The following DAPK2 variants were observed in gnomAD, a reference collection of about 807,000 sequenced individuals.
DAPK2 encodes the protein death associated protein kinase 2.
A neutral mutation model predicts 44.1 loss-of-function variants in DAPK2; 35 were observed. The ratio of observed to expected loss-of-function variants is 0.79; its 90% confidence interval spans 0.61 to 1.05. The LOEUF (loss-of-function observed/expected upper bound fraction) is 1.05. Ranked by LOEUF, DAPK2 falls within the 50% of genes least tolerant of loss-of-function variation. DAPK2 has a pLI of 0.00. For synonymous variants in DAPK2, 174 were observed against 182.6 expected (o/e 0.95, Z 0.38); for missense variants, 453 against 483.2 (o/e 0.94, Z 0.59).
rs1234183509 is a variant in DAPK2 at position 63,954,576 on chromosome 15, GATA to G, written c.454-15218_454-15216del. Among the ~76,000 whole-genome samples, 4 of 152,184 alleles carry G rather than the reference GATA, an allele frequency of 2.6e-5. No homozygotes were observed. In the East Asian group the frequency reaches 7.7e-4, roughly 29 times the overall value. On this transcript the variant is annotated intron_variant, in intron 3 of 10. Transcript: ENST00000261891. ...AGCTTTGTCATATAATTTGAAGTCA[GATA>G]ATGTGATTCCTCCACTTTTGTTCTT...
chr15:64,001,086 G>T (rs2079073300), intron 1 of DAPK2, among the ~76,000 whole-genome samples: 1 of 151,848 alleles, frequency 6.6e-6, no homozygotes, highest in African/African-American at 2.4e-5. Context: ...CACCATGTTG[G>T]CCAGGCTGGT....
At chr15:64,041,245 G>C (rs1481017373), upstream of DAPK2, among the ~76,000 whole-genome samples, 1 of 152,168 alleles carries the variant, frequency 6.6e-6, no homozygotes, top group African/African-American at 2.4e-5. Context: ...GGAGCCTGAG[G>C]TGCTAGTTCC....
chr15:63,956,797 C>T (rs1265519014), intron 3 of DAPK2, among the ~76,000 whole-genome samples: 2 of 152,126 alleles, frequency 1.3e-5, no homozygotes, highest in Non-Finnish European at 1.5e-5. Flanking sequence ...CCATGTTAGC[C>T]AGAACGGTCT....
At chr15:63,992,831 G>T (rs1489188080) in intron 1 of DAPK2, among the ~76,000 whole-genome samples, 2 of 152,154 alleles carry the variant, frequency 1.3e-5, no homozygotes, top group African/African-American at 4.8e-5. Context: ...TTTAACAAAA[G>T]AACTTCAACA....
intron 3 of DAPK2, among the ~76,000 whole-genome samples, chr15:63,958,493 C>G (rs1276890301): frequency 6.6e-6 from 1 of 152,178 alleles, no homozygotes; most frequent in African/African-American, 2.4e-5. Flanking sequence ...TTAGGTCTAA[C>G]ATTTAAGTCT....
chr15:64,044,789 C>A (rs1319536034), upstream of DAPK2, among the ~76,000 whole-genome samples: 2 of 152,192 alleles, frequency 1.3e-5, no homozygotes, highest in Non-Finnish European at 2.9e-5. Context: ...TTCCTCATCC[C>A]ACCTCACCAA....
At chr15:63,922,226 G>GTAGAT in intron 8 of DAPK2, 3 of 950,452 alleles carry the variant, frequency 3.2e-6, no homozygotes, top group South Asian at 4.8e-5. Context: ...AGACATGAGT[G>GTAGAT]CTTGGTAAGT....
intron 3 of DAPK2, among the ~76,000 whole-genome samples, chr15:63,955,431 T>C (rs962827580): frequency 3.9e-5 from 6 of 152,234 alleles, no homozygotes; most frequent in African/African-American, 1.4e-4. Context: ...ATCAAGGATA[T>C]GGTCCATAGT....
At chr15:64,007,634 C>T (rs886408829) in intron 1 of DAPK2, among the ~76,000 whole-genome samples, 1 of 152,220 alleles carries the variant, frequency 6.6e-6, no homozygotes, top group African/African-American at 2.4e-5. Flanking sequence ...TTACCTGATG[C>T]CTGCAGTTTG....
At chr15:63,911,492 G>A (rs889038457) in intron 10 of DAPK2, 2 of 214,272 alleles carry the variant, frequency 9.3e-6, no homozygotes, top group Admixed American at 1.0e-4. Flanking sequence ...ATAAGATATT[G>A]TCTAAATATT....
In DAPK2 at chr15:64,036,298, T is replaced by C. The variant is rs1292804075; in HGVS notation, c.92+3872A>G. ...ATGTGTGTGTGTGTGTGTGTGTGTG[T>C]GTGTGTGTGTGTATATATATGTATA... On this transcript the variant is annotated intron_variant, in intron 1 of 10. Transcript: ENST00000261891. Among the ~76,000 whole-genome samples the C allele has an allele frequency of 2.0e-3, 184 of 92,204 alleles. 3 individuals carry two copies. The highest frequency in any genetic ancestry group is 5.3e-3 in the African/African-American group (164 of 31,140). The allele number at this position is 92,204 out of a possible 152,430, so 60.5% of individuals were successfully genotyped here.
intron 1 of DAPK2, among the ~76,000 whole-genome samples, chr15:63,986,820 T>A (rs1361926784): frequency 6.6e-6 from 1 of 151,706 alleles, no homozygotes; most frequent in African/African-American, 2.4e-5. Flanking sequence ...ATGGGGCTAT[T>A]TAAAAGCCCG....
intron 1 of DAPK2, among the ~76,000 whole-genome samples, chr15:63,989,945 G>A (rs1215430306): frequency 6.6e-6 from 1 of 152,130 alleles, no homozygotes; most frequent in African/African-American, 2.4e-5. Context: ...GCCCGCCTAG[G>A]CCTCCCAAAG....
intron 1 of DAPK2, among the ~76,000 whole-genome samples, chr15:64,012,895 AT>A (rs1186216837): frequency 6.6e-6 from 1 of 152,226 alleles, no homozygotes; most frequent in African/African-American, 2.4e-5. Context: ...TAAGCATTCT[AT>A]CTGGGGCACT....
intron 1 of DAPK2, chr15:64,030,014 A>C (rs1357002327): frequency 6.6e-6 from 1 of 152,398 alleles, no homozygotes; most frequent in Non-Finnish European, 1.5e-5. Context: ...GTATGGCTGC[A>C]CGCAATGGCT....
intron 3 of DAPK2, among the ~76,000 whole-genome samples, chr15:63,958,851 C>G (rs2077804296): frequency 6.6e-6 from 1 of 152,036 alleles, no homozygotes. Flanking sequence ...TTTTTTGGTT[C>G]CATATGAACT....
At chr15:63,915,200 G>A (rs1053328778) in intron 8 of DAPK2, among the ~76,000 whole-genome samples, 12 of 152,042 alleles carry the variant, frequency 7.9e-5, no homozygotes, top group South Asian at 4.1e-4. Context: ...TACTTTTTGC[G>A]TATTTCTGAT....
chr15:63,980,257 G>T lies in DAPK2; in HGVS notation c.314+3276C>A, dbSNP rs2078465747. Among the ~76,000 whole-genome samples the T allele has an allele frequency of 6.6e-6, 1 of 152,152 alleles. No individual in the cohort carries two copies. The highest frequency in any genetic ancestry group is 2.1e-4 in the South Asian group (1 of 4,828). On this transcript the variant is annotated intron_variant, in intron 2 of 10. Transcript: ENST00000261891. This position sits in a 1 kb window ranked among gnomAD's most constrained non-coding sequence, Gnocchi z 4.3. ...CATGAGCCCTGTTGGGAAAAACACA[G>T]ACATCTCAAGAGCATTTACCTGCCA...
At chr15:64,002,284 A>G (rs531209409) in intron 1 of DAPK2, among the ~76,000 whole-genome samples, 7 of 152,380 alleles carry the variant, frequency 4.6e-5, no homozygotes, top group African/African-American at 1.7e-4. Flanking sequence ...TTTTATTAAC[A>G]GAGTTCATCA....
Sources: allele counts gnomAD v4.1 joint callset (sites outside exome capture counted in the v4.1 genomes callset), GRCh38; gene constraint gnomAD v4.1.1; non-coding constraint Gnocchi (gnomAD v3.1); transcripts MANE v1.5; gene names NCBI Gene and HGNC (gene_info 2026-07-23, HGNC 2026-07-21).